CEP170: variants seen among roughly 807,000 people sequenced by gnomAD.
CEP170 encodes the protein centrosomal protein 170.
Under a neutral mutation model 151.9 loss-of-function variants are expected in CEP170, and 21 were observed. The observed-to-expected ratio is 0.14, with a 90% confidence interval of 0.10 to 0.20. The LOEUF (loss-of-function observed/expected upper bound fraction) is 0.20. Among genes scored for constraint, CEP170 ranks in the 10% least tolerant of loss-of-function variants. CEP170 has a pLI of 1.00. For missense variants in CEP170, 964 were observed against 1,892.9 expected (o/e 0.51, Z 9.11); for synonymous variants, 356 against 648.8 (o/e 0.55, Z 6.86).
intron 1 of CEP170, among the ~76,000 whole-genome samples, chr1:243,242,313 G>A (rs578121567): frequency 6.6e-6 from 1 of 152,194 alleles, no homozygotes; most frequent in South Asian, 2.1e-4. Context: ...CCACCTCCCG[G>A]GTTCACGCCA....
chr1:243,227,067 T>C (rs866750631), intron 1 of CEP170, among the ~76,000 whole-genome samples: 2 of 152,216 alleles, frequency 1.3e-5, no homozygotes, highest in South Asian at 4.1e-4. Flanking sequence ...TGGGAAAATA[T>C]TGATTTCCTG....
chr1:243,151,986 CA>C (rs2057128040), intron 14 of CEP170, among the ~76,000 whole-genome samples: 1 of 152,070 alleles, frequency 6.6e-6, no homozygotes, highest in South Asian at 2.1e-4. Flanking sequence ...TTGTGCTCTA[CA>C]AATGGAACAA....
rs575100714 is a variant in CEP170 at position 243,189,353 on chromosome 1, A to G, written c.1108+1665T>C. On this transcript the variant is annotated intron_variant, in intron 8 of 19. Transcript: ENST00000366542. ...GGGTGGATCACGAGGTCAGGAGATC[A>G]AGACCATCCTGGCTAACACGGTGAA... Among the ~76,000 whole-genome samples, 542 of 152,026 alleles carry G rather than the reference A, an allele frequency of 3.6e-3. 2 individuals are homozygous for G. The highest frequency in any genetic ancestry group is 8.7e-3 in the East Asian group (45 of 5,164).
At chr1:243,242,934 C>T (rs1010768466) in intron 1 of CEP170, among the ~76,000 whole-genome samples, 14 of 151,840 alleles carry the variant, frequency 9.2e-5, no homozygotes, top group Admixed American at 2.0e-4. Flanking sequence ...TCCCGACCTC[C>T]GGTGATTCAC....
chr1:243,187,854 G>T (rs2060034473), intron 8 of CEP170, among the ~76,000 whole-genome samples: 1 of 152,166 alleles, frequency 6.6e-6, no homozygotes, highest in Non-Finnish European at 1.5e-5. Flanking sequence ...TCTTGGAAAA[G>T]TAATAGGCAA....
chr1:243,226,186 T>G (rs1046561291), intron 1 of CEP170, among the ~76,000 whole-genome samples: 1 of 20,726 alleles, frequency 4.8e-5, no homozygotes, highest in Admixed American at 5.9e-4. Context: ...TATATCTAGA[T>G]ATATATATCT....
intron 10 of CEP170, among the ~76,000 whole-genome samples, chr1:243,178,407 T>C (rs2059397190): frequency 6.7e-6 from 1 of 148,300 alleles, no homozygotes; most frequent in African/African-American, 2.5e-5. Flanking sequence ...AAGTAGCCGG[T>C]CACAAAAGAC....
At position 243,124,585 on chromosome 1, in the gene CEP170, T is replaced by C. The variant is rs2053565103; in HGVS notation, c.*1864A>G. Reference sequence around the variant, plus strand: ...CCAAATGTTTATAATTGAACCAAACTGTGTAAACACTTAAACAAGAATGTA... The same window carrying C: ...CCAAATGTTTATAATTGAACCAAACCGTGTAAACACTTAAACAAGAATGTA... On this transcript the variant is annotated 3_prime_UTR_variant, in exon 20 of 20. Coordinates refer to ENST00000366542, the MANE Select transcript of CEP170 (RefSeq NM_014812.3). 1 of 152,552 alleles carries C rather than the reference T, an allele frequency of 6.6e-6. No individual in the cohort carries two copies. Among genetic ancestry groups the C allele is most frequent in the African/African-American group, 2.4e-5 (1 of 41,436 alleles). The allele number at this position is 152,552 out of a possible 1,614,324, so 9.4% of individuals were successfully genotyped here. A position where few individuals can be genotyped will look rare whatever the true frequency, so the allele number is the denominator to read the frequency against.
intron 10 of CEP170, among the ~76,000 whole-genome samples, chr1:243,182,429 C>T (rs1182035864): frequency 6.6e-6 from 1 of 151,916 alleles, no homozygotes; most frequent in African/African-American, 2.4e-5. Flanking sequence ...AGGCCTCTTA[C>T]CTAAGATCTA....
intron 3 of CEP170, among the ~76,000 whole-genome samples, chr1:243,214,577 C>A (rs1446341904): frequency 6.6e-6 from 1 of 152,042 alleles, no homozygotes; most frequent in African/African-American, 2.4e-5. Flanking sequence ...TGAGCTACTG[C>A]GCCCAGCCAA....
chr1:243,226,604 T>TA lies in CEP170; in HGVS notation c.-41-1284dup, dbSNP rs77377807. Among the ~76,000 whole-genome samples the TA allele has an allele frequency of 4.7e-4, 71 of 152,334 alleles. 1 individual carries two copies. The East Asian group carries it at 0.012, about 25-fold the overall frequency. On this transcript the variant is annotated intron_variant, in intron 1 of 19. Transcript: ENST00000366542. ...ATTTTGTAATTTCTTTGATACTACA[T>TA]AAAAATTATATAAGCAGTAATTTCT...
chr1:243,153,640 T>A (rs2057312025), intron 14 of CEP170, among the ~76,000 whole-genome samples: 1 of 152,152 alleles, frequency 6.6e-6, no homozygotes, highest in East Asian at 1.9e-4. Flanking sequence ...ACTAATAAAA[T>A]ATTTACTTGT....
intron 7 of CEP170, among the ~76,000 whole-genome samples, 182 bp from the exon 8 acceptor site, chr1:243,191,676 A>T (rs565753436): frequency 1.3e-5 from 2 of 152,196 alleles, no homozygotes; most frequent in Admixed American, 1.3e-4. Context: ...TTGATTATAA[A>T]CATGCGATTT....
intron 15 of CEP170, among the ~76,000 whole-genome samples, chr1:243,141,499 T>A (rs2055830789): frequency 1.3e-5 from 2 of 152,180 alleles, no homozygotes; most frequent in African/African-American, 4.8e-5. Flanking sequence ...CATTCCTAGT[T>A]CTTTGGTCTG....
At chr1:243,199,555 G>C (rs947523970) in intron 6 of CEP170, among the ~76,000 whole-genome samples, 30 of 152,010 alleles carry the variant, frequency 2.0e-4, no homozygotes, top group African/African-American at 7.2e-4. Context: ...CAAGTTTGTT[G>C]AAACTAGACA....
Position 243,207,427 on chromosome 1 carries a change from T to C in CEP170, c.274+4459A>G, listed in dbSNP as rs904232430. Among the ~76,000 whole-genome samples the C allele has an allele frequency of 4.5e-4, 69 of 152,294 alleles. 1 individual carries two copies. The highest frequency in any genetic ancestry group is 1.6e-3 in the African/African-American group (66 of 41,570). On this transcript the variant is annotated intron_variant, in intron 4 of 19. Coordinates refer to ENST00000366542, the MANE Select transcript of CEP170 (RefSeq NM_014812.3). The stretch of plus-strand genomic sequence containing the variant: ...CTGCAAGGAGGAGGGGGCGAACCCA[T>C]AATTATAGCCTGAGATTTCAATACC...
intron 14 of CEP170, 72 bp from the exon 15 acceptor site, chr1:243,142,535 T>G: frequency 6.7e-7 from 1 of 1,490,656 alleles, no homozygotes; most frequent in Non-Finnish European, 9.0e-7. Context: ...ATTTATGAGA[T>G]AATCAGTCAT....
intron 3 of CEP170, among the ~76,000 whole-genome samples, chr1:243,218,746 T>G (rs1312341194): frequency 6.6e-6 from 1 of 152,246 alleles, no homozygotes; most frequent in East Asian, 1.9e-4. Context: ...TACTGAATGC[T>G]TACTATGTAC....
chr1:243,213,118 T>C (rs1431521654), intron 3 of CEP170, among the ~76,000 whole-genome samples: 1 of 152,190 alleles, frequency 6.6e-6, no homozygotes, highest in African/African-American at 2.4e-5. Flanking sequence ...TTCTTTTTTT[T>C]TTCTTTTTTT....
Sources: allele counts gnomAD v4.1 joint callset (sites outside exome capture counted in the v4.1 genomes callset), GRCh38; gene constraint gnomAD v4.1.1; transcripts MANE v1.5; gene names NCBI Gene and HGNC (gene_info 2026-07-23, HGNC 2026-07-21).